The following NCKAP5 variants were observed in gnomAD, a reference collection of about 807,000 sequenced individuals.
NCKAP5 encodes nck-associated protein 5.
A neutral mutation model predicts 167.0 loss-of-function variants in NCKAP5; 92 were observed. The ratio of observed to expected loss-of-function variants is 0.55; its 90% confidence interval spans 0.47 to 0.66. NCKAP5 has a LOEUF of 0.66. Among genes scored for constraint, NCKAP5 ranks in the 30% least tolerant of loss-of-function variants. The probability of loss-of-function intolerance (pLI) is 0.00; values close to 1 mark genes in which losing one functional copy is unlikely to be tolerated. For missense variants in NCKAP5, 2,378 were observed against 2,315.0 expected, an observed-to-expected ratio of 1.03 and a Z score of -0.56; for synonymous variants, 891 against 877.4, an observed-to-expected ratio of 1.02 and a Z score of -0.27.
At chr2:133,397,890 A>G (rs1687833923) in intron 3 of NCKAP5, among the ~76,000 whole-genome samples, 1 of 152,216 alleles carries the variant, frequency 6.6e-6, no homozygotes, top group South Asian at 2.1e-4. Context: ...AGGAGATCTA[A>G]GCCAGAGGAA....
chr2:133,631,746 C>T, the NCKAP5 span, among the ~76,000 whole-genome samples: 2 of 152,110 alleles, frequency 1.3e-5, no homozygotes, highest in Non-Finnish European at 1.5e-5. Flanking sequence ...CCCTGCAGAC[C>T]CCTGCATTGG....
rs577860760 is a variant in NCKAP5 at position 132,859,803 on chromosome 2, G to A, written c.807+689C>T. On this transcript the variant is annotated intron_variant, in intron 11 of 19. Transcript: ENST00000409261. ...ACACATTAATAGGATCACAAAGATCGGAAACAGCAAAGGTCAGCCCTGCAG... is the reference window on the plus strand; with the variant it reads ...ACACATTAATAGGATCACAAAGATCAGAAACAGCAAAGGTCAGCCCTGCAG... Among the ~76,000 whole-genome samples the A allele has an allele frequency of 3.3e-5, 5 of 152,232 alleles. No homozygotes were observed. In the East Asian group the frequency reaches 5.8e-4, roughly 18 times the overall value.
At chr2:133,362,353 G>A (rs1430267363) in intron 3 of NCKAP5, among the ~76,000 whole-genome samples, 1 of 152,178 alleles carries the variant, frequency 6.6e-6, no homozygotes, top group Non-Finnish European at 1.5e-5. Flanking sequence ...ACACCCTGGG[G>A]TAATGAAAGG....
chr2:132,818,778 G>A (rs1381878416), intron 11 of NCKAP5, among the ~76,000 whole-genome samples: 1 of 152,178 alleles, frequency 6.6e-6, no homozygotes, highest in Non-Finnish European at 1.5e-5. Flanking sequence ...AGTTATGAAT[G>A]GAGGCATCAA....
chr2:133,502,797 C>T (rs1372737682), intron 3 of NCKAP5, among the ~76,000 whole-genome samples: 1 of 152,112 alleles, frequency 6.6e-6, no homozygotes, highest in Non-Finnish European at 1.5e-5. Flanking sequence ...CACAGTACTT[C>T]GGAAATGAGG....
At chr2:133,572,025 TA>T (rs1688886749), upstream of NCKAP5, among the ~76,000 whole-genome samples, 1 of 150,676 alleles carries the variant, frequency 6.6e-6, no homozygotes, top group Non-Finnish European at 1.5e-5. Context: ...AGTTACACAC[TA>T]TTATCTTCAC....
chr2:132,775,683 T>C (rs926373420), intron 15 of NCKAP5, among the ~76,000 whole-genome samples: 3 of 152,198 alleles, frequency 2.0e-5, no homozygotes, highest in African/African-American at 7.2e-5. Context: ...AAGGTTCTCT[T>C]TGCTCAGGGA....
chr2:133,441,269 A>G (rs1690841463), intron 3 of NCKAP5, among the ~76,000 whole-genome samples: 2 of 152,252 alleles, frequency 1.3e-5, no homozygotes, highest in Non-Finnish European at 2.9e-5. Context: ...AGTTGACGCT[A>G]TACCTGACAT....
At chr2:132,743,025 T>C (rs1369399339) in intron 16 of NCKAP5, among the ~76,000 whole-genome samples, 1 of 151,868 alleles carries the variant, frequency 6.6e-6, no homozygotes, top group Non-Finnish European at 1.5e-5. Context: ...TATAGATTTT[T>C]GCTTCCATCC....
intron 3 of NCKAP5, among the ~76,000 whole-genome samples, chr2:133,497,709 G>C (rs1050797488): frequency 1.3e-4 from 20 of 152,222 alleles, no homozygotes; most frequent in Non-Finnish European, 2.4e-4. Flanking sequence ...GTGGCAGTTT[G>C]TTTAGTCCTC....
At chr2:133,070,224 T>C (rs1350654716) in intron 6 of NCKAP5, among the ~76,000 whole-genome samples, 1 of 152,108 alleles carries the variant, frequency 6.6e-6, no homozygotes, top group Non-Finnish European at 1.5e-5. Flanking sequence ...AGTATTAGAA[T>C]ACACAAGACT....
chr2:133,472,074 C>G (rs1172547708), intron 3 of NCKAP5, among the ~76,000 whole-genome samples: 2 of 152,138 alleles, frequency 1.3e-5, no homozygotes, highest in Non-Finnish European at 2.9e-5. Context: ...CACAATCCCA[C>G]CATCTTAACT....
At chr2:132,887,353 A>ATCTT (rs1303097259) in intron 8 of NCKAP5, among the ~76,000 whole-genome samples, 3,332 of 127,912 alleles carry the variant, frequency 0.026, 125 homozygotes, top group African/African-American at 0.12. Flanking sequence ...CTATCTATCC[A>ATCTT]TCCATCCATC....
intron 11 of NCKAP5, among the ~76,000 whole-genome samples, chr2:132,855,573 G>A (rs1689401085): frequency 6.6e-6 from 1 of 152,240 alleles, no homozygotes; most frequent in African/African-American, 2.4e-5. Flanking sequence ...AAGCCAGGTA[G>A]ATGCTTCAAA....
At chr2:132,852,500 C>T (rs1689151204) in intron 11 of NCKAP5, among the ~76,000 whole-genome samples, 2 of 152,138 alleles carry the variant, frequency 1.3e-5, no homozygotes, top group South Asian at 4.1e-4. Flanking sequence ...TTGAAGGTCA[C>T]AGTGACAGAA....
chr2:133,479,669 T>C (rs928629185), intron 3 of NCKAP5, among the ~76,000 whole-genome samples: 48 of 152,166 alleles, frequency 3.2e-4, no homozygotes. Context: ...CACAGATCCA[T>C]TTAGTGGAGA....
chr2:132,766,278 CAAAAAAAA>C (rs70973405), intron 16 of NCKAP5, among the ~76,000 whole-genome samples: 50 of 38,426 alleles, frequency 1.3e-3, no homozygotes, highest in African/African-American at 2.1e-3. Flanking sequence ...GATTCTGTCT[CAAAAAAAA>C]AAAAAAAAAA....
At chr2:132,749,809 G>A (rs1437279838) in intron 16 of NCKAP5, among the ~76,000 whole-genome samples, 1 of 152,132 alleles carries the variant, frequency 6.6e-6, no homozygotes, top group Admixed American at 6.5e-5. Context: ...GTTCTGATAG[G>A]AACGGAAATG....
At chr2:133,458,175 T>G (rs1482609150) in intron 3 of NCKAP5, among the ~76,000 whole-genome samples, 1 of 152,212 alleles carries the variant, frequency 6.6e-6, no homozygotes, top group Admixed American at 6.5e-5. Flanking sequence ...GTCACTGGAC[T>G]AGGTACTGAC....
Sources: gnomAD v4.1 joint callset for allele counts (sites outside exome capture counted in the v4.1 genomes callset) on GRCh38, gnomAD v4.1.1 for gene constraint, MANE v1.5 for transcripts, NCBI Gene and HGNC (gene_info 2026-07-23, HGNC 2026-07-21) for gene names.